Variants in CDH13 observed in about 807,000 individuals in gnomAD.
CDH13 encodes cadherin-13.
CDH13 carries 24 observed loss-of-function variants against 63.8 expected under a neutral mutation model. The ratio of observed to expected loss-of-function variants is 0.38; its 90% CI spans 0.27 to 0.53. CDH13 has a LOEUF of 0.53. CDH13 is among the 20% of genes least tolerant of loss of function. The pLI is 0.85. For missense variants in CDH13, 1,049 were observed against 903.1 expected (o/e 1.16, Z -2.07); for synonymous variants, 503 against 355.3 (o/e 1.42, Z -4.67).
chr16:83,182,805 G>A (rs556214061), intron 4 of CDH13, among the ~76,000 whole-genome samples: 3 of 152,212 alleles, frequency 2.0e-5, no homozygotes, highest in Admixed American at 6.5e-5. Flanking sequence ...AAAGTAAAAT[G>A]AGACTGATTT....
At chr16:83,512,389 G>C (rs1197484611) in intron 7 of CDH13, among the ~76,000 whole-genome samples, 1 of 148,146 alleles carries the variant, frequency 6.8e-6, no homozygotes, top group African/African-American at 2.5e-5. Context: ...ATAAAGGAAG[G>C]GCTGGGCGTG....
chr16:83,701,698 G>A (rs1054813264), intron 10 of CDH13, among the ~76,000 whole-genome samples: 6 of 152,100 alleles, frequency 3.9e-5, no homozygotes, highest in East Asian at 3.8e-4. Flanking sequence ...TCCTCAGGAC[G>A]TTACTACGAT....
intron 2 of CDH13, among the ~76,000 whole-genome samples, chr16:82,875,531 T>C (rs1029278217): frequency 6.6e-6 from 1 of 152,216 alleles, no homozygotes; most frequent in African/African-American, 2.4e-5. Context: ...ACAGTGCTTT[T>C]CAAACTTTTA....
chr16:83,241,928 C>T (rs1240457141), intron 5 of CDH13, among the ~76,000 whole-genome samples: 2 of 152,120 alleles, frequency 1.3e-5, no homozygotes, highest in Admixed American at 1.3e-4. Flanking sequence ...TGTCCTGAAG[C>T]TTTCCCATTA....
chr16:83,015,620 C>T (rs996995295), intron 2 of CDH13, among the ~76,000 whole-genome samples: 4 of 137,772 alleles, frequency 2.9e-5, no homozygotes, highest in Non-Finnish European at 6.2e-5. Context: ...GTAAATATCA[C>T]AGTTGTGGGG....
At chr16:83,707,406 C>T (rs1405811443) in intron 10 of CDH13, among the ~76,000 whole-genome samples, 1 of 152,176 alleles carries the variant, frequency 6.6e-6, no homozygotes, top group Non-Finnish European at 1.5e-5. Flanking sequence ...TTTCCAAACA[C>T]CAGGCACCTT....
chr16:82,699,431 C>A (rs539231838), intron 1 of CDH13, among the ~76,000 whole-genome samples: 1 of 152,314 alleles, frequency 6.6e-6, no homozygotes, highest in African/African-American at 2.4e-5. Flanking sequence ...CCAGCCCAGA[C>A]TGAGAGGAGG....
intron 3 of CDH13, among the ~76,000 whole-genome samples, chr16:83,099,978 G>A (rs989871827): frequency 2.6e-5 from 4 of 152,068 alleles, no homozygotes; most frequent in Non-Finnish European, 5.9e-5. Context: ...GCAGCCTACT[G>A]CCCTGATCAT....
chr16:82,700,867 ATC>A (rs2030899653), intron 1 of CDH13, among the ~76,000 whole-genome samples: 2 of 148,764 alleles, frequency 1.3e-5, no homozygotes, highest in Admixed American at 1.4e-4. Flanking sequence ...CAGAACACTA[ATC>A]TGATCTCTAA....
In CDH13 at chr16:83,213,094, C is replaced by T. The variant is rs549091886; in HGVS notation, c.484-4251C>T. 2.0e-5 allele frequency among the ~76,000 whole-genome samples: 3 copies of T among 152,292 alleles called. No individual in the cohort carries two copies. The South Asian group carries it at 6.2e-4, about 32-fold the overall frequency. On this transcript the variant is annotated intron_variant, in intron 4 of 13. Transcript: ENST00000567109. ...AAGAACATAAAAAGTTGAAGAGAGACAGAAGAGAGACAGACGTGTGCAGTG... is the reference window on the plus strand; with the variant it reads ...AAGAACATAAAAAGTTGAAGAGAGATAGAAGAGAGACAGACGTGTGCAGTG...
chr16:82,701,781 A>G (rs899605818), intron 1 of CDH13, among the ~76,000 whole-genome samples: 1 of 152,064 alleles, frequency 6.6e-6, no homozygotes, highest in South Asian at 2.1e-4. Flanking sequence ...GGCTCTTAAC[A>G]TGTCACGTGC....
At chr16:83,765,967 G>A (rs1274305863) in intron 11 of CDH13, among the ~76,000 whole-genome samples, 1 of 152,096 alleles carries the variant, frequency 6.6e-6, no homozygotes, top group African/African-American at 2.4e-5. Context: ...CTACCTAGAG[G>A]GAATTTGGGG....
At chr16:83,413,966 C>A (rs1356919619) in intron 6 of CDH13, among the ~76,000 whole-genome samples, 4 of 151,998 alleles carry the variant, frequency 2.6e-5, no homozygotes, top group African/African-American at 9.7e-5. Flanking sequence ...TGTACTCCAG[C>A]CTGGGCAATA....
In CDH13 at chr16:83,040,898, G is replaced by A. The variant is rs12925318; in HGVS notation, c.366+8680G>A. 9.5e-3 allele frequency among the ~76,000 whole-genome samples: 1,445 copies of A among 152,284 alleles called. 11 individuals carry two copies. The highest frequency in any genetic ancestry group is 0.014 in the Middle Eastern group (4 of 294). ...GAACGAGGCAAACTGAGGTGACCCA[G>A]TCCTCCATCCATGCCCAACATGACC... On this transcript the variant is annotated intron_variant, in intron 3 of 13. Coordinates refer to ENST00000567109, the MANE Select transcript of CDH13 (RefSeq NM_001257.5).
At chr16:83,563,015 A>AT (rs2075734703) in intron 7 of CDH13, among the ~76,000 whole-genome samples, 1 of 152,186 alleles carries the variant, frequency 6.6e-6, no homozygotes, top group Non-Finnish European at 1.5e-5. Context: ...GTGTCTCCTC[A>AT]TCTGTAGTAG....
At chr16:83,588,400 TACTGAGAGTG>T (rs1373410195) in intron 7 of CDH13, among the ~76,000 whole-genome samples, 2 of 152,202 alleles carry the variant, frequency 1.3e-5, no homozygotes, top group East Asian at 3.8e-4. Context: ...ATTGAACATT[TACTGAGAGTG>T]ACTGAGAGTG....
chr16:83,574,496 G>A (rs1246952561), intron 7 of CDH13, among the ~76,000 whole-genome samples: 1 of 152,112 alleles, frequency 6.6e-6, no homozygotes, highest in Non-Finnish European at 1.5e-5. Flanking sequence ...GTCTGGATTA[G>A]GTGTGTCACT....
chr16:83,396,803 T>G (rs770726293), intron 6 of CDH13: 2 of 151,412 alleles, frequency 1.3e-5, no homozygotes, highest in Admixed American at 6.6e-5. Context: ...GGAGCAGGAG[T>G]AGGGGGAGAC....
intron 2 of CDH13, among the ~76,000 whole-genome samples, chr16:82,914,412 A>C (rs2041922896): frequency 6.6e-6 from 1 of 152,186 alleles, no homozygotes; most frequent in Admixed American, 6.5e-5. Flanking sequence ...ATTTTAAGCA[A>C]ATTTTCTATT....
Sources: gnomAD v4.1 joint callset for allele counts (sites outside exome capture counted in the v4.1 genomes callset) on GRCh38, gnomAD v4.1.1 for gene constraint, MANE v1.5 for transcripts, NCBI Gene and HGNC (gene_info 2026-07-23, HGNC 2026-07-21) for gene names.